Variants in TBC1D9 observed in about 807,000 individuals in gnomAD.
The protein encoded by TBC1D9 is TBC1 domain family member 9A.
Under a neutral mutation model 132.0 loss-of-function variants are expected in TBC1D9, and 63 were observed. That is an observed-to-expected ratio of 0.48 (90% confidence interval 0.39 to 0.59). The LOEUF (loss-of-function observed/expected upper bound fraction) is 0.59. Ranked by LOEUF, TBC1D9 falls within the 20% of genes least tolerant of loss-of-function variation. The pLI is 0.00. For missense variants in TBC1D9, 1,261 were observed against 1,592.7 expected (o/e 0.79, Z 3.54); for synonymous variants, 610 against 609.9 (o/e 1.00, Z 0.00).
Position 140,679,674 on chromosome 4 carries a change from C to T in TBC1D9, c.530G>A (p.Gly177Asp). ...GTGGTTAATGCTGAGGTACATCCAA[C>T]CCTGACGGGGGACCTTCCCCTTCCA... ...SYWKGKVPRQGWMYLSINHLC... is the reference protein window; with the variant it reads ...SYWKGKVPRQDWMYLSINHLC... Residue 177 changes from glycine to aspartate, a missense_variant, in exon 4 of 21, where the codon GGT (glycine) becomes GAT (aspartate). By Grantham distance (94) the Gly-to-Asp change is moderately conservative. Around this residue, in one of 3 missense-constraint regions of TBC1D9, gnomAD observed 550 missense variants for 699.0 expected, o/e 0.79. Transcript: ENST00000442267. 1 of 1,613,856 alleles carries T rather than the reference C, an allele frequency of 6.2e-7. No individual in the cohort carries two copies. Among genetic ancestry groups the T allele is most frequent in the Non-Finnish European group, 8.5e-7 (1 of 1,179,824 alleles).
intron 2 of TBC1D9, among the ~76,000 whole-genome samples, chr4:140,690,148 T>C (rs1737855353): frequency 6.6e-6 from 1 of 152,090 alleles, no homozygotes; most frequent in Non-Finnish European, 1.5e-5. Flanking sequence ...ACTCCTTCAA[T>C]AAACATCTAA....
At position 140,657,152 on chromosome 4, in the gene TBC1D9, T is replaced by C; in HGVS notation, c.2282A>G (p.Asp761Gly). 1.2e-6 allele frequency: 2 copies of C among 1,613,934 alleles called. No homozygotes were observed. Among genetic ancestry groups the C allele is most frequent in the Non-Finnish European group, 1.7e-6 (2 of 1,179,842 alleles). The part of the protein sequence containing the change: ...IPHLHSLLSD[D>G]VEPYPEVDIF... ...GTCTACCTCAGGGTAAGGTTCCACA[T>C]CATCGCTGAGCAAGGAGTGGAGGTG... The change falls in exon 13 of 21, where the codon GAT (aspartate) becomes GGT (glycine). Residue 761 changes from aspartate (D) to glycine (G), a missense_variant. By Grantham distance (94) the Asp-to-Gly change is moderately conservative. Coordinates refer to ENST00000442267, the MANE Select transcript of TBC1D9 (RefSeq NM_015130.3).
At chr4:140,656,665 C>T (rs1299956514) in intron 13 of TBC1D9, among the ~76,000 whole-genome samples, 4 of 152,230 alleles carry the variant, frequency 2.6e-5, no homozygotes, top group Non-Finnish European at 5.9e-5. Flanking sequence ...TACTTTCATG[C>T]TTTCCTTAAT....
chr4:140,669,532 C>A, intron 8 of TBC1D9, 102 bp downstream of exon 8: 3 of 1,265,578 alleles, frequency 2.4e-6, no homozygotes, highest in Middle Eastern at 2.0e-4. Flanking sequence ...ATAGGAAAAT[C>A]TCCATTTACA....
chr4:140,658,625 C>CA (rs371969311), intron 11 of TBC1D9, among the ~76,000 whole-genome samples: 10 of 152,156 alleles, frequency 6.6e-5, no homozygotes, highest in African/African-American at 2.2e-4. Context: ...GCCTGGCTAA[C>CA]ATGGTGAAAC....
At chr4:140,640,618 A>G (rs900518625) in intron 13 of TBC1D9, among the ~76,000 whole-genome samples, 9 of 152,188 alleles carry the variant, frequency 5.9e-5, no homozygotes. Flanking sequence ...TGCAAGACTC[A>G]ATTTCCAAGC....
intron 1 of TBC1D9, among the ~76,000 whole-genome samples, chr4:140,714,913 G>A (rs183804003): frequency 5.9e-5 from 9 of 152,236 alleles, no homozygotes; most frequent in Non-Finnish European, 1.2e-4. Flanking sequence ...GATTGTTTGA[G>A]CCCAGGAGAC....
At chr4:140,644,083 G>A in intron 13 of TBC1D9, 1 of 413,168 alleles carries the variant, frequency 2.4e-6, no homozygotes, top group Non-Finnish European at 4.6e-6. Context: ...TCAGCTGGGA[G>A]CAGCACATCA....
At position 140,679,810 on chromosome 4, in the gene TBC1D9, C is replaced by A. The variant is rs746682723; in HGVS notation, c.394G>T (p.Val132Leu). The A allele has an allele frequency of 6.2e-7, 1 of 1,613,460 alleles. No individual in the cohort carries two copies. Among genetic ancestry groups the A allele is most frequent in the Non-Finnish European group, 8.5e-7 (1 of 1,179,720 alleles). ...IIAEYNKIND[V>L]KEDDDTEKFK... ...TTCTCCGTGTCATCATCTTCCTTTA[C>A]ATCATTGATTTTGTTGTATTCTGCA... Residue 132 changes from valine to leucine, a missense_variant, in exon 4 of 21, where the codon GTA becomes TTA. By Grantham distance (32) the Val-to-Leu change is conservative. Around this residue, in one of 3 missense-constraint regions of TBC1D9, gnomAD observed 550 missense variants for 699.0 expected, o/e 0.79. Coordinates refer to ENST00000442267, the MANE Select transcript of TBC1D9 (RefSeq NM_015130.3).
intron 8 of TBC1D9, among the ~76,000 whole-genome samples, 154 bp from the exon 9 acceptor site, chr4:140,669,221 C>T (rs1737497209): frequency 6.6e-6 from 1 of 152,154 alleles, no homozygotes; most frequent in African/African-American, 2.4e-5. Flanking sequence ...TGGAGTTCTT[C>T]TCTAGTTTTA....
chr4:140,688,406 C>T (rs930012365), intron 2 of TBC1D9, among the ~76,000 whole-genome samples: 2 of 152,166 alleles, frequency 1.3e-5, no homozygotes, highest in Admixed American at 1.3e-4. Flanking sequence ...TAGCACACTC[C>T]TCTAATCCCA....
In TBC1D9 at chr4:140,754,905, A is replaced by G. The variant is rs181193141; in HGVS notation, c.130+1011T>C. The stretch of plus-strand genomic sequence containing the variant: ...TATAAATATAATCATAAGTAAATAC[A>G]TATATCAAGAATCTTTATTTCATAG... On this transcript the variant is annotated intron_variant, in intron 1 of 20. Coordinates refer to ENST00000442267, the MANE Select transcript of TBC1D9 (RefSeq NM_015130.3). 2.5e-3 allele frequency among the ~76,000 whole-genome samples: 376 copies of G among 152,328 alleles called. 2 individuals are homozygous for G. Among genetic ancestry groups the G allele is most frequent in the Non-Finnish European group, 2.8e-3 (189 of 68,040 alleles).
At chr4:140,677,151 C>A (rs1181419522) in intron 5 of TBC1D9, 50 bp from the exon 6 acceptor site, 1 of 1,598,090 alleles carries the variant, frequency 6.3e-7, no homozygotes, top group Non-Finnish European at 8.5e-7. Context: ...TCCATACCTT[C>A]TAAATTATGC....
chr4:140,741,345 T>C (rs906540166), intron 1 of TBC1D9, among the ~76,000 whole-genome samples: 4 of 152,144 alleles, frequency 2.6e-5, no homozygotes, highest in African/African-American at 7.2e-5. Context: ...TTGCAGAGAA[T>C]CCCTTTCCCT....
At chr4:140,653,062 C>G (rs751898368) in intron 13 of TBC1D9, among the ~76,000 whole-genome samples, 3 of 150,732 alleles carry the variant, frequency 2.0e-5, no homozygotes, top group African/African-American at 7.3e-5. Flanking sequence ...TTACTCTGCT[C>G]AAAGTGCAGG....
At chr4:140,657,072 TGCTC>T (rs1460473033) in intron 13 of TBC1D9, 21 bp downstream of exon 13, 11 of 1,611,146 alleles carry the variant, frequency 6.8e-6, no homozygotes, top group African/African-American at 1.3e-5. Context: ...GGTTAAGCCC[TGCTC>T]AGCCAGGAGA....
intron 1 of TBC1D9, among the ~76,000 whole-genome samples, chr4:140,736,298 T>G (rs1258474081): frequency 6.6e-6 from 1 of 152,074 alleles, no homozygotes; most frequent in Non-Finnish European, 1.5e-5. Flanking sequence ...CCCAGCACTT[T>G]GGGAGGCCAA....
intron 1 of TBC1D9, chr4:140,716,066 G>C (rs970637921): frequency 1.3e-5 from 2 of 152,206 alleles, no homozygotes; most frequent in Non-Finnish European, 2.9e-5. Flanking sequence ...GTAACAGGAT[G>C]TGTTTTCAAT....
chr4:140,740,206 T>G (rs916815855), intron 1 of TBC1D9, among the ~76,000 whole-genome samples: 1 of 152,204 alleles, frequency 6.6e-6, no homozygotes, highest in Non-Finnish European at 1.5e-5. Context: ...TCCAAATGAA[T>G]AGCTGTTCCT....
Sources: allele counts gnomAD v4.1 joint callset (sites outside exome capture counted in the v4.1 genomes callset), GRCh38; gene constraint gnomAD v4.1.1; regional missense constraint gnomAD v4.1.1; transcripts MANE v1.5; gene names NCBI Gene and HGNC (gene_info 2026-07-23, HGNC 2026-07-21).